Variants in ACTR3C observed in about 807,000 individuals in gnomAD.
The protein encoded by ACTR3C is actin related protein 3C.
Under a neutral mutation model 26.3 loss-of-function variants are expected in ACTR3C, and 18 were observed. That is an observed-to-expected ratio of 0.68 (90% CI 0.47 to 1.01). The LOEUF (loss-of-function observed/expected upper bound fraction) is 1.01. Ranked by LOEUF, ACTR3C falls within the 50% of genes least tolerant of loss-of-function variation. The pLI, the probability that ACTR3C is intolerant of heterozygous loss-of-function variation, is 0.00. For missense variants in ACTR3C, 184 were observed against 250.7 expected (o/e 0.73, Z 1.80); for synonymous variants, 55 against 94.5 (o/e 0.58, Z 2.42).
the ACTR3C span, among the ~76,000 whole-genome samples, chr7:150,224,417 C>T: frequency 6.6e-6 from 1 of 152,334 alleles, no homozygotes; most frequent in East Asian, 1.9e-4. Flanking sequence ...AAGGAGGCTC[C>T]TCTGGTGTAC....
the ACTR3C span, among the ~76,000 whole-genome samples, chr7:149,896,140 ACGC>A: frequency 6.6e-6 from 1 of 151,912 alleles, no homozygotes. Context: ...AGCCATGATC[ACGC>A]CACCACACTC....
At chr7:150,316,159 T>C (rs942750653) in intron 1 of ACTR3C, among the ~76,000 whole-genome samples, 5 of 152,200 alleles carry the variant, frequency 3.3e-5, no homozygotes, top group African/African-American at 9.6e-5. Context: ...ATCACGCCAT[T>C]GCACTCCAGC....
the ACTR3C span, among the ~76,000 whole-genome samples, chr7:150,075,733 G>A: frequency 6.6e-6 from 1 of 152,130 alleles, no homozygotes; most frequent in Admixed American, 6.5e-5. Flanking sequence ...AAGAGCTCCT[G>A]GTTGACTATT....
At chr7:150,035,565 C>CAG in the ACTR3C span, among the ~76,000 whole-genome samples, 17 of 80,996 alleles carry the variant, frequency 2.1e-4, no homozygotes, top group South Asian at 3.7e-4. Context: ...TCCGCAGAGC[C>CAG]GGGGGGGAAG....
chr7:150,305,989 A>G (rs893708724), intron 1 of ACTR3C, among the ~76,000 whole-genome samples: 5 of 152,168 alleles, frequency 3.3e-5, no homozygotes, highest in Admixed American at 6.5e-5. Context: ...ACATACGGTT[A>G]AGGACAAATA....
the ACTR3C span, among the ~76,000 whole-genome samples, chr7:149,966,320 G>T: frequency 2.0e-5 from 3 of 152,142 alleles, no homozygotes; most frequent in Non-Finnish European, 4.4e-5. Flanking sequence ...TCAGGCCTGG[G>T]ATTAAACATC....
chr7:150,059,253 A>G, the ACTR3C span, among the ~76,000 whole-genome samples: 12 of 152,234 alleles, frequency 7.9e-5, no homozygotes, highest in African/African-American at 2.7e-4. Flanking sequence ...GAGAGGGCCA[A>G]TCAGTTGTTA....
chr7:150,237,207 C>G, the ACTR3C span, among the ~76,000 whole-genome samples: 1 of 152,246 alleles, frequency 6.6e-6, no homozygotes, highest in African/African-American at 2.4e-5. Context: ...TTGCCACCGT[C>G]TTTCCCATGC....
the ACTR3C span, among the ~76,000 whole-genome samples, chr7:150,158,026 C>T: frequency 6.6e-6 from 1 of 152,068 alleles, no homozygotes; most frequent in African/African-American, 2.4e-5. Context: ...AAACAATAGG[C>T]AAAGGGCCTG....
At chr7:150,117,215 G>A in the ACTR3C span, among the ~76,000 whole-genome samples, 1 of 152,168 alleles carries the variant, frequency 6.6e-6, no homozygotes, top group Non-Finnish European at 1.5e-5. Flanking sequence ...GTGCTTCCTG[G>A]AACACCAGTG....
At chr7:149,915,850 G>A in the ACTR3C span, among the ~76,000 whole-genome samples, 84,177 of 149,056 alleles carry the variant, frequency 0.56, 27,721 homozygotes, top group Non-Finnish European at 0.72. Flanking sequence ...CACTATAATA[G>A]CAAAACCACC....
the ACTR3C span, among the ~76,000 whole-genome samples, chr7:149,991,876 T>C: frequency 6.6e-6 from 1 of 152,162 alleles, no homozygotes; most frequent in African/African-American, 2.4e-5. Context: ...ACCGCAGGCG[T>C]GTGCCACCAG....
chr7:150,026,897 G>A, the ACTR3C span, among the ~76,000 whole-genome samples: 3 of 152,044 alleles, frequency 2.0e-5, no homozygotes, highest in Non-Finnish European at 4.4e-5. Flanking sequence ...TTTTAAAAAT[G>A]AACAAAAATG....
the ACTR3C span, among the ~76,000 whole-genome samples, chr7:150,176,497 T>C: frequency 3.0e-4 from 46 of 151,156 alleles, 1 homozygote; most frequent in East Asian, 3.1e-3. Flanking sequence ...TTCTGTCTTT[T>C]ACAAAAATGG....
chr7:150,147,568 A>G, the ACTR3C span, among the ~76,000 whole-genome samples: 277 of 152,284 alleles, frequency 1.8e-3, no homozygotes, highest in African/African-American at 6.4e-3. Flanking sequence ...TATAAATGAA[A>G]TAATTAATCA....
At chr7:149,938,964 TTATATACA>T in the ACTR3C span, among the ~76,000 whole-genome samples, 1 of 146,476 alleles carries the variant, frequency 6.8e-6, no homozygotes, top group Non-Finnish European at 1.5e-5. Flanking sequence ...TAAAAATATA[TTATATACA>T]TATATATGTA....
At chr7:150,022,818 T>C in the ACTR3C span, among the ~76,000 whole-genome samples, 1 of 152,120 alleles carries the variant, frequency 6.6e-6, no homozygotes, top group Non-Finnish European at 1.5e-5. Context: ...GATCTACTTA[T>C]TCTGTCTCCA....
At chr7:150,245,934 G>C (rs190273188), downstream of ACTR3C, 1 of 152,236 alleles carries the variant, frequency 6.6e-6, no homozygotes, top group African/African-American at 2.4e-5. Flanking sequence ...ACTCAGTAAA[G>C]GTAAGTGGGA....
chr7:150,287,000 C>T (rs1835831304), intron 4 of ACTR3C, among the ~76,000 whole-genome samples: 3 of 152,166 alleles, frequency 2.0e-5, no homozygotes, highest in Admixed American at 2.0e-4. Flanking sequence ...TCTTTGGGTC[C>T]CATTTGGGTC....
Sources: gnomAD v4.1 joint callset for allele counts (sites outside exome capture counted in the v4.1 genomes callset) on GRCh38, gnomAD v4.1.1 for gene constraint, MANE v1.5 for transcripts, NCBI Gene and HGNC (gene_info 2026-07-23, HGNC 2026-07-21) for gene names.